The following YWHAB variants were observed in gnomAD, a reference collection of about 807,000 sequenced individuals.
The protein encoded by YWHAB is 14-3-3 protein beta/alpha.
In YWHAB, 2 loss-of-function variants were observed where a neutral mutation model predicts 28.5. That is an observed-to-expected ratio of 0.07 (90% CI 0.03 to 0.22). YWHAB has a LOEUF of 0.22. YWHAB is among the 10% of genes least tolerant of loss of function. The probability of loss-of-function intolerance (pLI) is 1.00; values close to 1 mark genes in which losing one functional copy is unlikely to be tolerated. For missense variants in YWHAB, 148 were observed against 297.1 expected (o/e 0.50, Z 3.69); for synonymous variants, 103 against 104.7 (o/e 0.98, Z 0.10).
chr20:44,906,342 T>G (rs2066655864), intron 5 of YWHAB, 40 bp from the exon 6 acceptor site: 1 of 1,609,952 alleles, frequency 6.2e-7, no homozygotes, highest in African/African-American at 1.3e-5. Context: ...TAGGGAACTT[T>G]TAGTAGCCCT....
At chr20:44,893,720 C>T (rs112258791) in intron 1 of YWHAB, among the ~76,000 whole-genome samples, 18 of 94,716 alleles carry the variant, frequency 1.9e-4, no homozygotes, top group East Asian at 6.1e-4. Flanking sequence ...TTTTTTGAGA[C>T]GGAGTTTCGC....
chr20:44,894,836 G>A (rs182284647), intron 1 of YWHAB, among the ~76,000 whole-genome samples: 3 of 152,296 alleles, frequency 2.0e-5, no homozygotes, highest in East Asian at 3.9e-4. Flanking sequence ...GGCACATTGC[G>A]CTGTGACACA....
In YWHAB at chr20:44,901,907, C is replaced by G. The variant is rs113230979; in HGVS notation, c.300+74C>G. 3,283 of 1,463,242 alleles carry G rather than the reference C, an allele frequency of 2.2e-3. 62 individuals carry two copies. In the African/African-American group the frequency reaches 0.041, roughly 18 times the overall value. 90.6% of individuals were successfully genotyped at this position (1,463,242 alleles called of 1,614,324 possible). Reference sequence around the variant, plus strand: ...AATTTAATGTATAAATGCAGACTCTCAAAACAGCTTATGAGAGAGAGGTGT... The same window carrying G: ...AATTTAATGTATAAATGCAGACTCTGAAAACAGCTTATGAGAGAGAGGTGT... On this transcript the variant is annotated intron_variant, in intron 2 of 5. Transcript: ENST00000353703.
At chr20:44,904,825 T>A in intron 3 of YWHAB, 143 bp from the exon 4 acceptor site, 1 of 732,230 alleles carries the variant, frequency 1.4e-6, no homozygotes, top group Non-Finnish European at 2.1e-6. Context: ...AATGTATAAT[T>A]GAATGGCAGA....
intron 1 of YWHAB, among the ~76,000 whole-genome samples, chr20:44,894,400 A>G (rs1313341705): frequency 6.6e-6 from 1 of 152,186 alleles, no homozygotes; most frequent in African/African-American, 2.4e-5. Context: ...TGGGAACCTC[A>G]TTCAAAGTCT....
intron 1 of YWHAB, among the ~76,000 whole-genome samples, chr20:44,888,456 C>G (rs554762824): frequency 6.6e-6 from 1 of 152,312 alleles, no homozygotes; most frequent in Admixed American, 6.5e-5. Flanking sequence ...CCCGAGGTCT[C>G]ACACACAGCG....
chr20:44,896,591 A>C (rs1257198873), intron 1 of YWHAB, among the ~76,000 whole-genome samples: 1 of 152,250 alleles, frequency 6.6e-6, no homozygotes, highest in East Asian at 1.9e-4. Flanking sequence ...AGGGAACTTT[A>C]AAGAATTTTG....
At chr20:44,904,250 A>G in intron 3 of YWHAB, 134 bp downstream of exon 3, 1 of 1,180,640 alleles carries the variant, frequency 8.5e-7, no homozygotes, top group Non-Finnish European at 1.2e-6. Flanking sequence ...AGACCACAGC[A>G]TTGTGACGAA....
intron 1 of YWHAB, chr20:44,887,876 A>G (rs894138168): frequency 6.6e-6 from 1 of 152,210 alleles, no homozygotes; most frequent in Admixed American, 6.5e-5. Flanking sequence ...ATTGTTAAAT[A>G]TAAGCTTTTG....
rs921625387 is a variant in YWHAB, at chr20:44,906,851, G to C, written c.*413G>C. ...TACAATTCCATTGTAAAGTTGTACA[G>C]AAAGTTATAGAGATTATATTGTGAT... On this transcript the variant is annotated 3_prime_UTR_variant, in exon 6 of 6. Transcript: ENST00000353703. 6.3e-6 allele frequency: 1 copy of C among 159,078 alleles called. No individual in the cohort carries two copies. The highest frequency in any genetic ancestry group is 1.4e-5 in the Non-Finnish European group (1 of 71,476). 9.9% of individuals were successfully genotyped at this position (159,078 alleles called of 1,614,324 possible).
At chr20:44,890,535 G>A (rs1030667217) in intron 1 of YWHAB, among the ~76,000 whole-genome samples, 6 of 133,526 alleles carry the variant, frequency 4.5e-5, no homozygotes, top group African/African-American at 1.7e-4. Context: ...TTGTGAGATG[G>A]AGTCTCACTC....
In YWHAB at chr20:44,907,448, C is replaced by T. The variant is rs1288487358; in HGVS notation, c.*1010C>T. On this transcript the variant is annotated 3_prime_UTR_variant, in exon 6 of 6. Transcript: ENST00000353703. Reference sequence around the variant, plus strand: ...CCTGGGCAACATAGCGAGACCTCATCTCCAAAAAAGAAAACAAAAAACAAA... The same window carrying T: ...CCTGGGCAACATAGCGAGACCTCATTTCCAAAAAAGAAAACAAAAAACAAA... 1 of 152,038 alleles carries T rather than the reference C, an allele frequency of 6.6e-6. No individual in the cohort carries two copies. The highest frequency in any genetic ancestry group is 1.5e-5 in the Non-Finnish European group (1 of 68,058). The allele number at this position is 152,038 out of a possible 1,614,324, so 9.4% of individuals were successfully genotyped here.
intron 1 of YWHAB, among the ~76,000 whole-genome samples, chr20:44,898,797 C>T (rs185098047): frequency 6.6e-6 from 1 of 150,904 alleles, no homozygotes; most frequent in East Asian, 2.0e-4. Flanking sequence ...TGAGCCACTG[C>T]GCCCAGCAGA....
intron 1 of YWHAB, among the ~76,000 whole-genome samples, chr20:44,890,515 T>TC: frequency 7.0e-6 from 1 of 142,326 alleles, no homozygotes; most frequent in East Asian, 2.0e-4. Context: ...TTTTTTTTTT[T>TC]TTTTTTTTTT....
intron 1 of YWHAB, among the ~76,000 whole-genome samples, chr20:44,893,982 C>T (rs2066579981): frequency 1.3e-5 from 2 of 152,174 alleles, no homozygotes. Context: ...CACACGTAAG[C>T]CAGTGCACCT....
rs1305580221 is a variant in YWHAB at position 44,906,738 on chromosome 20, A to C, written c.*300A>C. Reference sequence around the variant, plus strand: ...CTGTGATTATGGGGTTTTGTAATTTAGCAGAACTCTTACTGGTAGAAAAAA... The same window carrying C: ...CTGTGATTATGGGGTTTTGTAATTTCGCAGAACTCTTACTGGTAGAAAAAA... On this transcript the variant is annotated 3_prime_UTR_variant, in exon 6 of 6. Coordinates refer to ENST00000353703, the MANE Select transcript of YWHAB (RefSeq NM_139323.4). The C allele has an allele frequency of 4.8e-6, 1 of 207,372 alleles. No individual in the cohort carries two copies. The highest frequency in any genetic ancestry group is 9.9e-6 in the Non-Finnish European group (1 of 101,284). The allele number at this position is 207,372 out of a possible 1,614,324, so 12.8% of individuals were successfully genotyped here.
Position 44,906,496 on chromosome 20 carries a change from T to G in YWHAB, c.*58T>G. The G allele has an allele frequency of 9.9e-7, 1 of 1,009,304 alleles. No homozygotes were observed. Among genetic ancestry groups the G allele is most frequent in the Admixed American group, 2.7e-5 (1 of 37,312 alleles). 62.5% of individuals were successfully genotyped at this position (1,009,304 alleles called of 1,614,324 possible). ...ACTCTGTACCCTCAACATATATCCCTTGTGCGATAAAAAAAAAAAAAAAAA... is the reference window on the plus strand; with the variant it reads ...ACTCTGTACCCTCAACATATATCCCGTGTGCGATAAAAAAAAAAAAAAAAA... On this transcript the variant is annotated 3_prime_UTR_variant, in exon 6 of 6. Coordinates refer to ENST00000353703, the MANE Select transcript of YWHAB (RefSeq NM_139323.4).
intron 1 of YWHAB, among the ~76,000 whole-genome samples, chr20:44,893,420 A>T (rs1262200742): frequency 2.6e-5 from 4 of 152,160 alleles, no homozygotes; most frequent in East Asian, 3.8e-4. Context: ...CCCAATTTTT[A>T]AAAAAGTAAT....
At chr20:44,900,390 C>T (rs2066619610) in intron 1 of YWHAB, among the ~76,000 whole-genome samples, 1 of 152,184 alleles carries the variant, frequency 6.6e-6, no homozygotes, top group African/African-American at 2.4e-5. Context: ...GGTCATGCCA[C>T]TTGTAAGTAA....
Sources: gnomAD v4.1 joint callset for allele counts (sites outside exome capture counted in the v4.1 genomes callset) on GRCh38, gnomAD v4.1.1 for gene constraint, MANE v1.5 for transcripts, NCBI Gene and HGNC (gene_info 2026-07-23, HGNC 2026-07-21) for gene names.